CENPP: variants seen among roughly 807,000 people sequenced by gnomAD.
The protein encoded by CENPP is centromere protein P.
In CENPP, 24 loss-of-function variants were observed where a neutral mutation model predicts 35.6. That is an observed-to-expected ratio of 0.67 (90% CI 0.49 to 0.95). The LOEUF is 0.95. Ranked by LOEUF, CENPP falls within the 40% of genes least tolerant of loss-of-function variation. CENPP has a pLI of 0.00. For synonymous variants in CENPP, 120 were observed against 125.5 expected, an observed-to-expected ratio of 0.96 and a Z score of 0.29; for missense variants, 332 against 345.3, an observed-to-expected ratio of 0.96 and a Z score of 0.31.
intron 5 of CENPP, among the ~76,000 whole-genome samples, chr9:92,397,195 C>A (rs958083811): frequency 1.3e-5 from 2 of 151,824 alleles, no homozygotes; most frequent in Non-Finnish European, 2.9e-5. Context: ...AACAAACAAA[C>A]AAAAAAACAC....
chr9:92,512,402 A>G (rs945772553), intron 5 of CENPP, among the ~76,000 whole-genome samples: 1 of 152,242 alleles, frequency 6.6e-6, no homozygotes, highest in Non-Finnish European at 1.5e-5. Flanking sequence ...ACACAGCCAG[A>G]ATGTGGTCTG....
intron 5 of CENPP, chr9:92,502,746 T>G: frequency 9.2e-7 from 1 of 1,090,562 alleles, no homozygotes. Flanking sequence ...ACTATTATCA[T>G]TAGTATTATC....
intron 5 of CENPP, among the ~76,000 whole-genome samples, chr9:92,571,228 T>C (rs1850130111): frequency 6.6e-6 from 1 of 151,916 alleles, no homozygotes; most frequent in Non-Finnish European, 1.5e-5. Context: ...GTGCTATAAA[T>C]TTCGCTCTAC....
intron 5 of CENPP, among the ~76,000 whole-genome samples, chr9:92,481,705 G>T (rs1192187903): frequency 3.9e-5 from 6 of 152,036 alleles, no homozygotes; most frequent in Non-Finnish European, 7.4e-5. Flanking sequence ...AACTATTGCT[G>T]ATAAGTATTC....
At chr9:92,505,427 A>C in intron 5 of CENPP, 1 of 1,029,050 alleles carries the variant, frequency 9.7e-7, no homozygotes, top group Non-Finnish European at 1.4e-6. Flanking sequence ...ATACAGCATG[A>C]AACTAGAGTT....
At chr9:92,367,908 A>T (rs1459002414) in intron 4 of CENPP, among the ~76,000 whole-genome samples, 1 of 152,230 alleles carries the variant, frequency 6.6e-6, no homozygotes, top group African/African-American at 2.4e-5. Context: ...GAGACAGCGC[A>T]CCTGGCCTAT....
intron 5 of CENPP, chr9:92,470,742 C>T (rs375462737): frequency 8.1e-6 from 13 of 1,596,916 alleles, no homozygotes; most frequent in East Asian, 6.8e-5. Flanking sequence ...ATCAAGCATT[C>T]GAGTATCAAA....
intron 2 of CENPP, among the ~76,000 whole-genome samples, chr9:92,334,994 C>T (rs899337204): frequency 1.3e-5 from 2 of 151,810 alleles, no homozygotes; most frequent in African/African-American, 2.4e-5. Flanking sequence ...CGAGACCAGC[C>T]TGGCCAACAT....
Position 92,615,398 on chromosome 9 carries a change from C to A in CENPP, c.*2249C>A. ...CATGTAACTCAGCTGGGGGAAGTTC[C>A]AGTAGTATCCATGTTTTCTTAAAAG... On this transcript the variant is annotated 3_prime_UTR_variant, in exon 8 of 8. Transcript: ENST00000375587. 5.6e-6 allele frequency: 1 copy of A among 179,066 alleles called. No individual in the cohort carries two copies. The highest frequency in any genetic ancestry group is 5.6e-5 in the Admixed American group (1 of 17,758). 11.1% of individuals were successfully genotyped at this position (179,066 alleles called of 1,614,324 possible). A position where few individuals can be genotyped will look rare whatever the true frequency, so the allele number is the denominator to read the frequency against.
chr9:92,568,863 G>T (rs1158082998), intron 5 of CENPP, among the ~76,000 whole-genome samples: 11 of 152,108 alleles, frequency 7.2e-5, no homozygotes, highest in African/African-American at 2.4e-4. Context: ...TCATGTGTCT[G>T]TTGGCTGCAT....
At chr9:92,600,037 C>T (rs1209382065) in intron 5 of CENPP, among the ~76,000 whole-genome samples, 1 of 152,228 alleles carries the variant, frequency 6.6e-6, no homozygotes, top group African/African-American at 2.4e-5. Context: ...ATGTAGTCTG[C>T]TCAGTCACTA....
chr9:92,425,331 A>G (rs561858215), intron 5 of CENPP, among the ~76,000 whole-genome samples: 1 of 152,322 alleles, frequency 6.6e-6, no homozygotes, highest in Non-Finnish European at 1.5e-5. Context: ...ATAATTCTGT[A>G]GTATTGAATA....
At chr9:92,550,385 G>T (rs920302015) in intron 5 of CENPP, among the ~76,000 whole-genome samples, 8 of 131,144 alleles carry the variant, frequency 6.1e-5, no homozygotes, top group African/African-American at 2.9e-4. Flanking sequence ...GACAGAGTGA[G>T]ACTCTGTCTC....
chr9:92,535,364 T>C (rs191745786), intron 5 of CENPP, among the ~76,000 whole-genome samples: 43 of 152,328 alleles, frequency 2.8e-4, no homozygotes, highest in African/African-American at 9.6e-4. Context: ...GTTTGCCTCC[T>C]AGAGGTAAAT....
rs918790249 is a variant in CENPP, at chr9:92,615,554, A to G, written c.*2405A>G. On this transcript the variant is annotated 3_prime_UTR_variant, in exon 8 of 8. Transcript: ENST00000375587. Reference sequence around the variant, plus strand: ...ATCAGACATGAGCCCTGGTTGGGAAAGAAGAACTATCCAGAACGTCTTCCC... The same window carrying G: ...ATCAGACATGAGCCCTGGTTGGGAAGGAAGAACTATCCAGAACGTCTTCCC... 5.2e-6 allele frequency: 2 copies of G among 382,734 alleles called. No homozygotes were observed. Among genetic ancestry groups the G allele is most frequent in the African/African-American group, 4.1e-5 (2 of 48,246 alleles). 23.7% of individuals were successfully genotyped at this position (382,734 alleles called of 1,614,324 possible).
chr9:92,545,263 G>A (rs1454699492), intron 5 of CENPP, among the ~76,000 whole-genome samples: 1 of 152,158 alleles, frequency 6.6e-6, no homozygotes, highest in East Asian at 1.9e-4. Context: ...GTTTAGGGGA[G>A]GTGTGGAGAG....
At chr9:92,521,049 A>G (rs1848036490) in intron 5 of CENPP, among the ~76,000 whole-genome samples, 1 of 152,230 alleles carries the variant, frequency 6.6e-6, no homozygotes, top group Admixed American at 6.5e-5. Context: ...CAATACTGTG[A>G]ATGTACTAAA....
intron 5 of CENPP, chr9:92,385,720 CG>C (rs766769286): frequency 6.2e-7 from 1 of 1,613,966 alleles, no homozygotes; most frequent in Admixed American, 1.7e-5. Context: ...CTCTTCAATG[CG>C]GTCCCGGATG....
intron 5 of CENPP, chr9:92,502,717 G>A: frequency 7.7e-7 from 1 of 1,294,658 alleles, no homozygotes; most frequent in South Asian, 1.5e-5. Context: ...ATTTCATGGA[G>A]ACTAAAATAG....
Sources: allele counts gnomAD v4.1 joint callset (sites outside exome capture counted in the v4.1 genomes callset), GRCh38; gene constraint gnomAD v4.1.1; transcripts MANE v1.5; gene names NCBI Gene and HGNC (gene_info 2026-07-23, HGNC 2026-07-21).